The following HMGXB4 variants were observed in gnomAD, a reference collection of about 807,000 sequenced individuals.
HMGXB4 encodes the protein HMG-box containing 4.
In HMGXB4, 27 loss-of-function variants were observed where a neutral mutation model predicts 63.9. The ratio of observed to expected loss-of-function variants is 0.42; its 90% CI spans 0.31 to 0.58. The LOEUF is 0.58. Ranked by LOEUF, HMGXB4 falls within the 20% of genes least tolerant of loss-of-function variation. The probability of loss-of-function intolerance (pLI) is 0.13; values close to 1 mark genes in which losing one functional copy is unlikely to be tolerated. For missense variants in HMGXB4, 624 were observed against 700.7 expected, an observed-to-expected ratio of 0.89 and a Z score of 1.24; for synonymous variants, 264 against 265.3, an observed-to-expected ratio of 0.99 and a Z score of 0.05.
chr22:35,248,487 G>C, the HMGXB4 span, among the ~76,000 whole-genome samples: 1 of 138,920 alleles, frequency 7.2e-6, no homozygotes, highest in South Asian at 2.3e-4. Flanking sequence ...GCTCACCGTA[G>C]TCTACACCTC....
At chr22:35,270,297 T>A (rs976059214) in intron 5 of HMGXB4, among the ~76,000 whole-genome samples, 1 of 152,204 alleles carries the variant, frequency 6.6e-6, no homozygotes, top group Admixed American at 6.5e-5. Flanking sequence ...AGGTTCCTTA[T>A]GAGAATCTAA....
At chr22:35,286,688 A>T (rs1032364008) in intron 7 of HMGXB4, among the ~76,000 whole-genome samples, 7 of 152,064 alleles carry the variant, frequency 4.6e-5, no homozygotes, top group African/African-American at 1.4e-4. Flanking sequence ...ATTTCTACTA[A>T]AAATACAAAA....
At chr22:35,256,385 GC>G (rs1423067600), upstream of HMGXB4, among the ~76,000 whole-genome samples, 1 of 152,152 alleles carries the variant, frequency 6.6e-6, no homozygotes, top group Admixed American at 6.6e-5. Context: ...TAACTTCTCT[GC>G]TTTACAGTAA....
At chr22:35,277,246 C>T (rs1923965623) in intron 5 of HMGXB4, among the ~76,000 whole-genome samples, 1 of 152,212 alleles carries the variant, frequency 6.6e-6, no homozygotes, top group African/African-American at 2.4e-5. Flanking sequence ...AATTTGTTTT[C>T]TTCAAATTCG....
At chr22:35,277,505 T>A (rs966359037) in intron 5 of HMGXB4, among the ~76,000 whole-genome samples, 1 of 152,132 alleles carries the variant, frequency 6.6e-6, no homozygotes, top group South Asian at 2.1e-4. Flanking sequence ...CATGCCACCA[T>A]GCCTGGCTAA....
chr22:35,270,070 C>T (rs1923509605), intron 5 of HMGXB4, among the ~76,000 whole-genome samples: 2 of 152,176 alleles, frequency 1.3e-5, no homozygotes, highest in Admixed American at 6.5e-5. Context: ...TTGACAAGAT[C>T]TACCTACAGC....
chr22:35,268,832 C>T (rs1923425572), intron 5 of HMGXB4, among the ~76,000 whole-genome samples: 1 of 152,146 alleles, frequency 6.6e-6, no homozygotes, highest in Admixed American at 6.6e-5. Context: ...TACATTCTTA[C>T]CTCTATTCCT....
chr22:35,277,904 AT>A (rs1333655363), intron 5 of HMGXB4, among the ~76,000 whole-genome samples: 1 of 151,996 alleles, frequency 6.6e-6, no homozygotes, highest in Non-Finnish European at 1.5e-5. Flanking sequence ...TCCCTCTTAC[AT>A]TGGTATTGTC....
intron 5 of HMGXB4, among the ~76,000 whole-genome samples, chr22:35,277,759 C>T (rs1203697159): frequency 6.6e-6 from 1 of 152,110 alleles, no homozygotes; most frequent in African/African-American, 2.4e-5. Flanking sequence ...AGAGGTAACC[C>T]ATATATCCCC....
intron 3 of HMGXB4, 72 bp downstream of exon 3, chr22:35,263,298 T>A: frequency 7.6e-7 from 1 of 1,319,654 alleles, no homozygotes; most frequent in East Asian, 2.4e-5. Context: ...GAGTTTTTTT[T>A]TGTTTTTTTT....
upstream of HMGXB4, among the ~76,000 whole-genome samples, chr22:35,254,709 G>A (rs1420177554): frequency 6.6e-6 from 1 of 152,196 alleles, no homozygotes; most frequent in Admixed American, 6.5e-5. Context: ...CAACACTTAA[G>A]ACAGTACCTG....
chr22:35,246,096 A>T, the HMGXB4 span, among the ~76,000 whole-genome samples: 1 of 152,242 alleles, frequency 6.6e-6, no homozygotes, highest in African/African-American at 2.4e-5. Flanking sequence ...AGGGGACGAA[A>T]GCCCCAGCTT....
chr22:35,289,279 C>T (rs768643156), intron 9 of HMGXB4, among the ~76,000 whole-genome samples: 5 of 151,150 alleles, frequency 3.3e-5, no homozygotes, highest in Non-Finnish European at 7.4e-5. Context: ...GGCAACATAG[C>T]GAGACCCCAT....
chr22:35,269,585 T>C (rs1447541620), intron 5 of HMGXB4, among the ~76,000 whole-genome samples: 2 of 152,148 alleles, frequency 1.3e-5, no homozygotes, highest in East Asian at 1.9e-4. Context: ...TGGGAGCAAA[T>C]TGTAGAGAAT....
At position 35,257,643 on chromosome 22, in the gene HMGXB4, C is replaced by T. The variant is rs901894304; in HGVS notation, c.-69+86C>T. Reference sequence around the variant, plus strand: ...CCCCGCCCCGTCGCCACCCGCCGCCCTGGGCCCGCGACATCACCTCTGGGG... The same window carrying T: ...CCCCGCCCCGTCGCCACCCGCCGCCTTGGGCCCGCGACATCACCTCTGGGG... On this transcript the variant is annotated intron_variant, in intron 1 of 10. Transcript: ENST00000216106. 11 of 152,546 alleles carry T rather than the reference C, an allele frequency of 7.2e-5. No individual in the cohort carries two copies. In the East Asian group the frequency reaches 7.7e-4, roughly 11 times the overall value. 9.4% of individuals were successfully genotyped at this position (152,546 alleles called of 1,614,324 possible).
chr22:35,265,779 T>C (rs895872659), intron 5 of HMGXB4, among the ~76,000 whole-genome samples, 176 bp downstream of exon 5: 7 of 151,512 alleles, frequency 4.6e-5, no homozygotes, highest in Admixed American at 1.3e-4. Flanking sequence ...CTGTCTGATA[T>C]AGAAGCAATC....
intron 1 of HMGXB4, chr22:35,257,972 G>C (rs1183164254): frequency 6.6e-6 from 1 of 152,204 alleles, no homozygotes; most frequent in Non-Finnish European, 1.5e-5. Context: ...CGCGATGCGG[G>C]GGTCCCTCGG....
At chr22:35,244,750 G>A in the HMGXB4 span, among the ~76,000 whole-genome samples, 1 of 152,076 alleles carries the variant, frequency 6.6e-6, no homozygotes, top group Non-Finnish European at 1.5e-5. Context: ...CAAAATATGA[G>A]GTCCCGTTCC....
At chr22:35,255,512 C>G (rs1443873461), upstream of HMGXB4, among the ~76,000 whole-genome samples, 1 of 152,120 alleles carries the variant, frequency 6.6e-6, no homozygotes, top group Non-Finnish European at 1.5e-5. Flanking sequence ...AAGACCCTGT[C>G]TCAAAACAAA....
Sources: gnomAD v4.1 joint callset for allele counts (sites outside exome capture counted in the v4.1 genomes callset) on GRCh38, gnomAD v4.1.1 for gene constraint, MANE v1.5 for transcripts, NCBI Gene and HGNC (gene_info 2026-07-23, HGNC 2026-07-21) for gene names.